RANBP10: variants seen among roughly 807,000 people sequenced by gnomAD.
The protein encoded by RANBP10 is RAN binding protein 10.
Under a neutral mutation model 72.8 loss-of-function variants are expected in RANBP10, and 24 were observed. The ratio of observed to expected loss-of-function variants is 0.33; its 90% CI spans 0.24 to 0.46. The LOEUF is 0.46. Among genes scored for constraint, RANBP10 ranks in the 20% least tolerant of loss-of-function variants. The pLI, the probability that RANBP10 is intolerant of heterozygous loss-of-function variation, is 1.00. For missense variants in RANBP10, 679 were observed against 817.5 expected (o/e 0.83, Z 2.07); for synonymous variants, 310 against 322.3 (o/e 0.96, Z 0.41).
At chr16:67,796,839 G>A (rs1213715795) in intron 2 of RANBP10, among the ~76,000 whole-genome samples, 1 of 152,134 alleles carries the variant, frequency 6.6e-6, no homozygotes, top group East Asian at 1.9e-4. Flanking sequence ...AGAAGGGCTA[G>A]GCTCTGTTCC....
intron 3 of RANBP10, among the ~76,000 whole-genome samples, chr16:67,763,848 C>T (rs1368012315): frequency 6.6e-6 from 1 of 152,202 alleles, no homozygotes; most frequent in Non-Finnish European, 1.5e-5. Flanking sequence ...GCGCACGCCA[C>T]CACGCCCGGC....
chr16:67,799,433 G>A (rs1048699839), intron 2 of RANBP10, among the ~76,000 whole-genome samples: 3 of 151,596 alleles, frequency 2.0e-5, no homozygotes, highest in Non-Finnish European at 4.4e-5. Context: ...GACTACAGGC[G>A]CCCGCCACCA....
rs760144570 is a variant in RANBP10, at chr16:67,726,185, G to C, written c.*243C>G. 6.6e-5 allele frequency: 32 copies of C among 482,268 alleles called. No individual in the cohort carries two copies. Among genetic ancestry groups the C allele is most frequent in the Middle Eastern group, 6.3e-4 (1 of 1,582 alleles). 29.9% of individuals were successfully genotyped at this position (482,268 alleles called of 1,614,324 possible). On this transcript the variant is annotated 3_prime_UTR_variant, in exon 14 of 14. Transcript: ENST00000317506. Reference sequence around the variant, plus strand: ...CCTTTCAAAATAGAAGGCGCTACATGAGAGTAACCAGCCAATACTGTGTTA... The same window carrying C: ...CCTTTCAAAATAGAAGGCGCTACATCAGAGTAACCAGCCAATACTGTGTTA...
chr16:67,806,196 T>C (rs1234885213), intron 1 of RANBP10, 106 bp downstream of exon 1: 10 of 1,126,080 alleles, frequency 8.9e-6, no homozygotes, highest in Non-Finnish European at 1.3e-5. Flanking sequence ...AGCCCTAACT[T>C]GGAGCACCTA....
chr16:67,726,231 GGAGA>G lies in RANBP10; in HGVS notation c.*193_*196del, dbSNP rs369126694. 14 of 701,318 alleles carry G rather than the reference GGAGA, an allele frequency of 2.0e-5. No individual in the cohort carries two copies. The highest frequency in any genetic ancestry group is 3.0e-5 in the Non-Finnish European group (13 of 436,776). 43.4% of individuals were successfully genotyped at this position (701,318 alleles called of 1,614,324 possible). On this transcript the variant is annotated 3_prime_UTR_variant, in exon 14 of 14. Coordinates refer to ENST00000317506, the MANE Select transcript of RANBP10 (RefSeq NM_020850.3). ...TGTTACAGGCCGCTGCACGTGAAGG[GGAGA>G]GAGAGAGAGACTGAGCGGGGTGGTG... is the stretch of plus-strand genomic sequence containing the variant.
intron 2 of RANBP10, among the ~76,000 whole-genome samples, chr16:67,773,337 C>T (rs758831204): frequency 1.3e-5 from 2 of 152,178 alleles, no homozygotes; most frequent in East Asian, 1.9e-4. Context: ...AGGCCTTTGC[C>T]GGCACCATGC....
chr16:67,795,713 G>A (rs988900502), intron 2 of RANBP10, among the ~76,000 whole-genome samples: 5 of 150,882 alleles, frequency 3.3e-5, no homozygotes, highest in Non-Finnish European at 7.4e-5. Flanking sequence ...AAATTAGCCA[G>A]GTGCGGTGGC....
chr16:67,729,151 A>G lies in RANBP10; in HGVS notation c.1352+129T>C. On this transcript the variant is annotated intron_variant, in intron 10 of 13. Transcript: ENST00000317506. The surrounding 1 kb of genome is among the most constrained non-coding windows in gnomAD (Gnocchi z 7.1). ...TGATGTCTGGCCCGGTGGGCCAAAA[A>G]TTAGGACTCCAGGCACAGACCTGAG... 1 of 1,493,540 alleles carries G rather than the reference A, an allele frequency of 6.7e-7. No individual in the cohort carries two copies. The highest frequency in any genetic ancestry group is 9.0e-7 in the Non-Finnish European group (1 of 1,116,750). The allele number at this position is 1,493,540 out of a possible 1,614,324, so 92.5% of individuals were successfully genotyped here.
rs141826437 is a variant in RANBP10 at position 67,729,375 on chromosome 16, CGAG to C, written c.1254_1256del (p.Ser422del). The C allele has an allele frequency of 1.9e-4, 302 of 1,584,980 alleles. No individual in the cohort carries two copies. Among genetic ancestry groups the C allele is most frequent in the Non-Finnish European group, 2.2e-4 (252 of 1,160,230 alleles). ...AATTGACGGAGGATGGGGAAGAGGA[CGAG>C]GAGGAGGAGGAGGACGAGGATGAGG... is the stretch of plus-strand genomic sequence containing the variant. On this transcript the variant is annotated inframe_deletion, in exon 10 of 14. Coordinates refer to ENST00000317506, the MANE Select transcript of RANBP10 (RefSeq NM_020850.3). This position sits in a 1 kb window ranked among gnomAD's most constrained non-coding sequence, Gnocchi z 7.1.
At chr16:67,790,860 T>C (rs1393223148) in intron 2 of RANBP10, among the ~76,000 whole-genome samples, 1 of 151,140 alleles carries the variant, frequency 6.6e-6, no homozygotes, top group Non-Finnish European at 1.5e-5. Context: ...CCACCATGCC[T>C]GGCTAATTTT....
At chr16:67,767,731 G>A (rs747705039) in intron 3 of RANBP10, among the ~76,000 whole-genome samples, 6 of 152,040 alleles carry the variant, frequency 3.9e-5, no homozygotes, top group Non-Finnish European at 8.8e-5. Flanking sequence ...CGAGTAGCTG[G>A]GAGTACAGGC....
chr16:67,748,523 TA>T (rs961513686), intron 3 of RANBP10, among the ~76,000 whole-genome samples: 35 of 143,556 alleles, frequency 2.4e-4, no homozygotes, highest in African/African-American at 3.6e-4. Flanking sequence ...AAACTCCGTC[TA>T]AAAAAAAAAA....
intron 3 of RANBP10, among the ~76,000 whole-genome samples, chr16:67,754,525 A>G (rs2054253329): frequency 6.6e-6 from 1 of 152,124 alleles, no homozygotes; most frequent in South Asian, 2.1e-4. Flanking sequence ...TCAGTCATCC[A>G]CCCCTTGTGA....
At chr16:67,781,841 C>G (rs2054818149) in intron 2 of RANBP10, among the ~76,000 whole-genome samples, 2 of 152,202 alleles carry the variant, frequency 1.3e-5, no homozygotes, top group Admixed American at 6.5e-5. Context: ...CACCAGAACA[C>G]AAGATAGAGA....
intron 3 of RANBP10, among the ~76,000 whole-genome samples, chr16:67,761,929 A>G (rs2143010160): frequency 6.6e-6 from 1 of 150,708 alleles, no homozygotes; most frequent in Middle Eastern, 3.4e-3. Context: ...TTCAGGTAGA[A>G]AAAAAAAACA....
At chr16:67,788,547 C>A (rs1052387477) in intron 2 of RANBP10, among the ~76,000 whole-genome samples, 1 of 151,264 alleles carries the variant, frequency 6.6e-6, no homozygotes, top group Non-Finnish European at 1.5e-5. Context: ...TGAGCCAGCG[C>A]GCCCAGCCCT....
intron 5 of RANBP10, among the ~76,000 whole-genome samples, chr16:67,737,293 C>T (rs923616474): frequency 1.2e-4 from 18 of 150,318 alleles, no homozygotes; most frequent in Non-Finnish European, 2.2e-4. Flanking sequence ...CTCTGCCTCC[C>T]GGGTTCAGGC....
chr16:67,802,691 A>G (rs2055258328), intron 2 of RANBP10, among the ~76,000 whole-genome samples: 1 of 152,208 alleles, frequency 6.6e-6, no homozygotes, highest in Admixed American at 6.5e-5. Context: ...CTCAACAGCC[A>G]TGTTTACCAC....
intron 4 of RANBP10, among the ~76,000 whole-genome samples, chr16:67,743,267 T>C (rs909896798): frequency 2.0e-5 from 3 of 152,234 alleles, no homozygotes; most frequent in African/African-American, 7.2e-5. Context: ...AATGCCCAAC[T>C]CCCTTTCCTG....
Sources: gnomAD v4.1 joint callset for allele counts (sites outside exome capture counted in the v4.1 genomes callset) on GRCh38, gnomAD v4.1.1 for gene constraint, Gnocchi (gnomAD v3.1) non-coding constraint, MANE v1.5 for transcripts, NCBI Gene and HGNC (gene_info 2026-07-23, HGNC 2026-07-21) for gene names.